Variants in SDK1 observed in about 807,000 individuals in gnomAD.
SDK1 encodes protein sidekick-1.
Under a neutral mutation model 245.5 loss-of-function variants are expected in SDK1, and 157 were observed. The observed-to-expected ratio is 0.64, with a 90% confidence interval of 0.56 to 0.73. SDK1 has a LOEUF of 0.73. SDK1 is among the 30% of genes least tolerant of loss of function. The pLI, the probability that SDK1 is intolerant of heterozygous loss-of-function variation, is 0.00. For missense variants in SDK1, 3,583 were observed against 3,002.3 expected (o/e 1.19, Z -4.52); for synonymous variants, 1,647 against 1,278.5 (o/e 1.29, Z -6.15).
At chr7:3,310,044 G>A (rs1459348732) in intron 1 of SDK1, among the ~76,000 whole-genome samples, 2 of 152,146 alleles carry the variant, frequency 1.3e-5, no homozygotes, top group Admixed American at 1.3e-4. Flanking sequence ...TCCACCTAGG[G>A]AATAACTAGA....
intron 5 of SDK1, among the ~76,000 whole-genome samples, chr7:3,878,840 T>C (rs1202017240): frequency 1.3e-5 from 2 of 152,214 alleles, no homozygotes; most frequent in African/African-American, 2.4e-5. Context: ...CATTTAAAAT[T>C]CTTTTATTGG....
chr7:3,522,948 A>T (rs891846373), intron 1 of SDK1, among the ~76,000 whole-genome samples: 4 of 29,338 alleles, frequency 1.4e-4, no homozygotes, highest in African/African-American at 6.5e-4. Context: ...GGTTAGGGGC[A>T]CTCTTTGGCT....
At chr7:3,657,822 C>G (rs1783236218) in intron 4 of SDK1, among the ~76,000 whole-genome samples, 1 of 152,208 alleles carries the variant, frequency 6.6e-6, no homozygotes, top group South Asian at 2.1e-4. Flanking sequence ...GAAGTCTTAT[C>G]ACACCAATTT....
At chr7:4,233,015 A>C (rs1450617393) in intron 40 of SDK1, 1 of 428,524 alleles carries the variant, frequency 2.3e-6, no homozygotes, top group Non-Finnish European at 4.2e-6. Flanking sequence ...GACCATTTCA[A>C]GTGTCCAGTT....
rs1322149167 is a variant in SDK1, at chr7:4,220,103, C to T, written c.5540-6C>T. 2 of 1,612,930 alleles carry T rather than the reference C, an allele frequency of 1.2e-6. No individual in the cohort carries two copies. The highest frequency in any genetic ancestry group is 2.2e-5 in the East Asian group (1 of 44,852). ...CCCTTGTTTCCTTTGCTTCTGGCGG[C>T]TGCAGGGGTGAGCAAGGTGGTGACC... On this transcript the variant is annotated splice_polypyrimidine_tract_variant and splice_region_variant and intron_variant, in intron 38 of 44. Coordinates refer to ENST00000404826, the MANE Select transcript of SDK1 (RefSeq NM_152744.4).
At chr7:3,514,344 T>A (rs1413222516) in intron 1 of SDK1, among the ~76,000 whole-genome samples, 1 of 152,208 alleles carries the variant, frequency 6.6e-6, no homozygotes, top group Non-Finnish European at 1.5e-5. Context: ...CAAGAAAAAA[T>A]ATATACTTAA....
intron 38 of SDK1, among the ~76,000 whole-genome samples, chr7:4,219,305 T>A (rs1434959769): frequency 6.6e-6 from 1 of 152,174 alleles, no homozygotes; most frequent in Non-Finnish European, 1.5e-5. Context: ...TTGTATACGC[T>A]CCCTGTGTTA....
Position 4,210,151 on chromosome 7 carries a change from C to T in SDK1, c.5528C>T (p.Ala1843Val), listed in dbSNP as rs762785052. 1.3e-6 allele frequency: 2 copies of T among 1,577,200 alleles called. No homozygotes were observed. The highest frequency in any genetic ancestry group is 1.9e-5 in the Admixed American group (1 of 52,242). ...QGYRVVYEPL[A>V]PVQGVSKVVT... ...TATCGGGTGGTGTACGAGCCCTTGG[C>T]CCCTGTACAAGGTAAGACCCGGGGT... Residue 1843 changes from alanine (A) to valine (V), a missense_variant, in exon 38 of 45, where the codon GCC (alanine) becomes GTC (valine). By Grantham distance (64) the Ala-to-Val change is moderately conservative. Transcript: ENST00000404826.
chr7:3,513,129 G>A (rs533923809), intron 1 of SDK1, among the ~76,000 whole-genome samples: 1 of 152,178 alleles, frequency 6.6e-6, no homozygotes, highest in East Asian at 1.9e-4. Context: ...AAAAATACTA[G>A]CAGCTAACAG....
chr7:3,463,349 C>A (rs1378970353), intron 1 of SDK1, among the ~76,000 whole-genome samples: 2 of 151,744 alleles, frequency 1.3e-5, no homozygotes, highest in East Asian at 3.9e-4. Context: ...CTCACATATT[C>A]ATGAATGAAT....
intron 5 of SDK1, among the ~76,000 whole-genome samples, chr7:3,920,094 G>C (rs1394841195): frequency 6.6e-5 from 10 of 152,190 alleles, no homozygotes; most frequent in Non-Finnish European, 1.3e-4. Flanking sequence ...GGGGCACTGA[G>C]ACAGCTCAGG....
intron 5 of SDK1, among the ~76,000 whole-genome samples, chr7:3,886,819 G>A (rs570630048): frequency 1.3e-5 from 2 of 152,280 alleles, no homozygotes; most frequent in South Asian, 4.1e-4. Flanking sequence ...GGGAGGCTAA[G>A]GCAAGAGGAT....
intron 1 of SDK1, among the ~76,000 whole-genome samples, chr7:3,342,861 G>A (rs1238923870): frequency 1.3e-5 from 2 of 152,138 alleles, no homozygotes; most frequent in East Asian, 1.9e-4. Context: ...TTGGAAAATG[G>A]ACAAAAGACA....
In SDK1 at chr7:3,523,423, C is replaced by A. The variant is rs77751879; in HGVS notation, c.299-95657C>A. Among the ~76,000 whole-genome samples the A allele has an allele frequency of 2.7e-3, 404 of 152,238 alleles. 2 individuals carry two copies. The highest frequency in any genetic ancestry group is 9.2e-3 in the African/African-American group (384 of 41,542). ...CTACCACGGGTCCAGCGAGAGCATG[C>A]AAACATTATTAACACAGGGTAAGTT... On this transcript the variant is annotated intron_variant, in intron 1 of 44. Coordinates refer to ENST00000404826, the MANE Select transcript of SDK1 (RefSeq NM_152744.4).
At chr7:3,859,125 G>A (rs964470324) in intron 5 of SDK1, among the ~76,000 whole-genome samples, 1 of 151,988 alleles carries the variant, frequency 6.6e-6, no homozygotes, top group African/African-American at 2.4e-5. Flanking sequence ...GCCTCCCAAA[G>A]TGCTGGGATT....
chr7:4,005,220 T>C (rs1785379426), intron 14 of SDK1, among the ~76,000 whole-genome samples: 1 of 151,700 alleles, frequency 6.6e-6, no homozygotes, highest in Non-Finnish European at 1.5e-5. Context: ...TAATTTTTTG[T>C]ATTTTTAGTA....
At chr7:4,166,213 G>A (rs1344356967) in intron 32 of SDK1, among the ~76,000 whole-genome samples, 1 of 152,260 alleles carries the variant, frequency 6.6e-6, no homozygotes, top group Non-Finnish European at 1.5e-5. Flanking sequence ...CTGGGCAAAG[G>A]CAGGGAGGCA....
chr7:4,234,239 C>A (rs148180075), intron 41 of SDK1, among the ~76,000 whole-genome samples: 1 of 152,178 alleles, frequency 6.6e-6, no homozygotes, highest in African/African-American at 2.4e-5. Context: ...ACTGCCGATC[C>A]CAGGCTGGGC....
At chr7:4,150,381 A>C (rs1780278749) in intron 30 of SDK1, among the ~76,000 whole-genome samples, 1 of 152,166 alleles carries the variant, frequency 6.6e-6, no homozygotes, top group African/African-American at 2.4e-5. Flanking sequence ...TGGAGCCTGC[A>C]CCAATGACTA....
Sources: gnomAD v4.1 joint callset for allele counts (sites outside exome capture counted in the v4.1 genomes callset) on GRCh38, gnomAD v4.1.1 for gene constraint, MANE v1.5 for transcripts, NCBI Gene and HGNC (gene_info 2026-07-23, HGNC 2026-07-21) for gene names.